Variants in EPB41L4A observed in about 807,000 individuals in gnomAD.
EPB41L4A encodes the protein band 4.1-like protein 4A.
In EPB41L4A, 100 loss-of-function variants were observed where a neutral mutation model predicts 108.6. The observed-to-expected ratio is 0.92, with a 90% confidence interval of 0.78 to 1.09. EPB41L4A has a LOEUF of 1.09. Ranked by LOEUF, EPB41L4A falls within the 50% of genes least tolerant of loss-of-function variation. The pLI is 0.00. For missense variants in EPB41L4A, 1,030 were observed against 842.7 expected (o/e 1.22, Z -2.75); for synonymous variants, 319 against 289.0 (o/e 1.10, Z -1.05).
intron 9 of EPB41L4A, among the ~76,000 whole-genome samples, chr5:112,257,718 C>T (rs10044033): frequency 0.97 from 147,613 of 152,232 alleles, 71,750 homozygotes; most frequent in East Asian, 1. Context: ...AAAGAATACT[C>T]TGAATAATAG....
intron 1 of EPB41L4A, among the ~76,000 whole-genome samples, chr5:112,395,209 C>A (rs1761249092): frequency 6.6e-6 from 1 of 152,074 alleles, no homozygotes; most frequent in East Asian, 1.9e-4. Flanking sequence ...TCTAAAACAC[C>A]AAAAGCAATG....
chr5:112,416,029 A>G (rs1762700727), intron 1 of EPB41L4A, among the ~76,000 whole-genome samples: 1 of 152,106 alleles, frequency 6.6e-6, no homozygotes, highest in Non-Finnish European at 1.5e-5. Context: ...AAATGGAAAT[A>G]AAATTATTTT....
chr5:112,282,335 G>C (rs890818128), intron 2 of EPB41L4A, among the ~76,000 whole-genome samples: 1 of 152,196 alleles, frequency 6.6e-6, no homozygotes, highest in Non-Finnish European at 1.5e-5. Flanking sequence ...TGCCATTCAT[G>C]TTAAACAAAA....
At chr5:112,279,086 A>AG (rs1752794957) in intron 3 of EPB41L4A, among the ~76,000 whole-genome samples, 1 of 150,670 alleles carries the variant, frequency 6.6e-6, no homozygotes, top group Admixed American at 6.6e-5. Flanking sequence ...AAAAAAAAAA[A>AG]TCATTCCTGA....
intron 1 of EPB41L4A, among the ~76,000 whole-genome samples, chr5:112,352,076 A>T (rs539639603): frequency 1.3e-5 from 2 of 152,118 alleles, no homozygotes; most frequent in South Asian, 4.1e-4. Flanking sequence ...CTATCTTTTT[A>T]AAAAAAACAC....
In EPB41L4A at chr5:112,275,459, A is replaced by T. The variant is rs531880851; in HGVS notation, c.257-55T>A. 3.0e-5 allele frequency: 44 copies of T among 1,466,144 alleles called. No individual in the cohort carries two copies. In the East Asian group the frequency reaches 1.1e-3, roughly 37 times the overall value. The allele number at this position is 1,466,144 out of a possible 1,614,324, so 90.8% of individuals were successfully genotyped here. ...CTAAAATCATAAATTAGTCAAAGTTACAGTATAATATTATACAGCTATTTA... is the reference window on the plus strand; with the variant it reads ...CTAAAATCATAAATTAGTCAAAGTTTCAGTATAATATTATACAGCTATTTA... On this transcript the variant is annotated intron_variant, in intron 3 of 22. Coordinates refer to ENST00000261486, the MANE Select transcript of EPB41L4A (RefSeq NM_022140.5).
At chr5:112,208,680 C>T (rs1762585965) in intron 13 of EPB41L4A, among the ~76,000 whole-genome samples, 1 of 152,120 alleles carries the variant, frequency 6.6e-6, no homozygotes, top group Non-Finnish European at 1.5e-5. Flanking sequence ...AAACAATTTA[C>T]CCATGTGACA....
At chr5:112,294,821 A>G (rs1041243117) in intron 2 of EPB41L4A, among the ~76,000 whole-genome samples, 4 of 152,192 alleles carry the variant, frequency 2.6e-5, no homozygotes, top group African/African-American at 9.7e-5. Context: ...ACCAAGGGCC[A>G]CGTATCTTAA....
chr5:112,406,790 A>C lies in EPB41L4A; in HGVS notation c.99+12151T>G, dbSNP rs142582097. On this transcript the variant is annotated intron_variant, in intron 1 of 22. Transcript: ENST00000261486. ...AAAGACACAGTGAGTGAGCACCAAA[A>C]AAAGAACCAAGAGAAAAACCAGAGA... Among the ~76,000 whole-genome samples the C allele has an allele frequency of 5.1e-4, 77 of 152,264 alleles. No individual in the cohort carries two copies. The Middle Eastern group carries it at 0.017, about 34-fold the overall frequency.
At position 112,256,225 on chromosome 5, in the gene EPB41L4A, G is replaced by A. The variant is rs79142061; in HGVS notation, c.795+3004C>T. Among the ~76,000 whole-genome samples, 896 of 152,188 alleles carry A rather than the reference G, an allele frequency of 5.9e-3. 15 individuals carry two copies. The highest frequency in any genetic ancestry group is 0.048 in the East Asian group (251 of 5,186). ...AAACTTTAAAAAATTTCAGCACCTA[G>A]TAAAAAACACGTATTCCTAAAACCA... On this transcript the variant is annotated intron_variant, in intron 9 of 22. Transcript: ENST00000261486.
At chr5:112,357,006 AACCTATAAGAT>A (rs1758399665) in intron 1 of EPB41L4A, among the ~76,000 whole-genome samples, 1 of 152,182 alleles carries the variant, frequency 6.6e-6, no homozygotes, top group Admixed American at 6.5e-5. Context: ...TTGACTAGGT[AACCTATAAGAT>A]GGCCGGTGCT....
chr5:112,385,441 G>A (rs1370805102), intron 1 of EPB41L4A, among the ~76,000 whole-genome samples: 7 of 139,106 alleles, frequency 5.0e-5, no homozygotes, highest in African/African-American at 1.9e-4. Context: ...GAAAATCACA[G>A]AAAAGCCAAT....
intron 1 of EPB41L4A, among the ~76,000 whole-genome samples, chr5:112,336,414 G>A (rs570242545): frequency 3.2e-4 from 49 of 152,254 alleles, no homozygotes; most frequent in African/African-American, 9.9e-4. Context: ...GAGGCCTGTG[G>A]CATTATTCTT....
At chr5:112,143,646 C>G (rs1759143875) in exon 14 of EPB41L4A, 1 of 233,546 alleles carries the variant, frequency 4.3e-6, no homozygotes, top group Non-Finnish European at 9.0e-6. Context: ...GCTTTCTCTA[C>G]AAGAGATAAA....
chr5:112,325,973 A>AG, intron 1 of EPB41L4A, among the ~76,000 whole-genome samples: 1 of 152,224 alleles, frequency 6.6e-6, no homozygotes, highest in South Asian at 2.1e-4. Flanking sequence ...GCAACATTGT[A>AG]AGACCCATCT....
In EPB41L4A at chr5:112,210,203, C is replaced by T. The variant is rs17134248; in HGVS notation, c.1088-221G>A. 7 of 344,350 alleles carry T rather than the reference C, an allele frequency of 2.0e-5. No individual in the cohort carries two copies. The Admixed American group carries it at 2.8e-4, about 14-fold the overall frequency. The allele number at this position is 344,350 out of a possible 1,614,324, so 21.3% of individuals were successfully genotyped here. ...CATAACAATGTCCTGGGAGTCTAGG[C>T]TATTTTTTTCAGACTTTAAAACTAA... is the stretch of plus-strand genomic sequence containing the variant. On this transcript the variant is annotated intron_variant, in intron 12 of 22. Coordinates refer to ENST00000261486, the MANE Select transcript of EPB41L4A (RefSeq NM_022140.5).
chr5:112,333,799 C>T (rs1191258143), intron 1 of EPB41L4A, among the ~76,000 whole-genome samples: 1 of 152,218 alleles, frequency 6.6e-6, no homozygotes, highest in African/African-American at 2.4e-5. Context: ...GGAGGGATAT[C>T]ACATTGAATT....
At chr5:112,256,745 T>C (rs1751124383) in intron 9 of EPB41L4A, 2 of 152,164 alleles carry the variant, frequency 1.3e-5, no homozygotes, top group Non-Finnish European at 2.9e-5. Flanking sequence ...CATGTATGTA[T>C]AAATATATAT....
intron 13 of EPB41L4A, among the ~76,000 whole-genome samples, chr5:112,208,244 C>CA (rs68152475): frequency 0.43 from 36,299 of 84,836 alleles, 8,083 homozygotes; most frequent in East Asian, 0.62. Flanking sequence ...GACTCCATCT[C>CA]AAAAAAAAAA....
Sources: allele counts gnomAD v4.1 joint callset (sites outside exome capture counted in the v4.1 genomes callset), GRCh38; gene constraint gnomAD v4.1.1; transcripts MANE v1.5; gene names NCBI Gene and HGNC (gene_info 2026-07-23, HGNC 2026-07-21).